The following ASB1 variants were observed in gnomAD, a reference collection of about 807,000 sequenced individuals.
The protein encoded by ASB1 is ankyrin repeat and SOCS box protein 1.
A neutral mutation model predicts 27.7 loss-of-function variants in ASB1; 18 were observed. The observed-to-expected ratio is 0.65, with a 90% CI of 0.45 to 0.96. ASB1 has a LOEUF of 0.96. ASB1 is among the 50% of genes least tolerant of loss of function. The pLI, the probability that ASB1 is intolerant of heterozygous loss-of-function variation, is 0.00. For synonymous variants in ASB1, 189 were observed against 187.6 expected, an observed-to-expected ratio of 1.01 and a Z score of -0.06; for missense variants, 397 against 451.7, an observed-to-expected ratio of 0.88 and a Z score of 1.10.
In ASB1 at chr2:238,444,345, C is replaced by T. The variant is rs370276973; in HGVS notation, c.498C>T (p.Tyr166=). The part of the protein sequence containing the change: ...RADILKALIR[Y]GADVDVNHHL... ...ACTTTCCCTTTCTTCCCTGCAGGTA[C>T]GGGGCTGATGTTGACGTCAACCACC... is the stretch of plus-strand genomic sequence containing the variant. The change falls in exon 4 of 5, where the codon TAC becomes TAT. Residue 166 remains tyrosine (Y), a synonymous_variant. Coordinates refer to ENST00000264607, the MANE Select transcript of ASB1 (RefSeq NM_001040445.3). The T allele has an allele frequency of 1.7e-5, 27 of 1,602,450 alleles. No homozygotes were observed. Among genetic ancestry groups the T allele is most frequent in the African/African-American group, 5.4e-5 (4 of 74,756 alleles).
chr2:238,441,735 C>G (rs187901377), intron 3 of ASB1, among the ~76,000 whole-genome samples: 1 of 152,308 alleles, frequency 6.6e-6, no homozygotes. Flanking sequence ...TTAGTGGACA[C>G]GTGGGTGGTT....
chr2:238,448,597 A>G lies in ASB1; in HGVS notation c.*2086A>G, dbSNP rs975641174. On this transcript the variant is annotated 3_prime_UTR_variant, in exon 5 of 5. Transcript: ENST00000264607. ...ACGCTCTGCGTCTGCTCTACTGAGT[A>G]CTTTCTGCAGGGGCCTGTTAAGGAC... is the stretch of plus-strand genomic sequence containing the variant. The G allele has an allele frequency of 3.3e-5, 5 of 152,238 alleles. No individual in the cohort carries two copies. The highest frequency in any genetic ancestry group is 1.2e-4 in the African/African-American group (5 of 41,442). 9.4% of individuals were successfully genotyped at this position (152,238 alleles called of 1,614,324 possible). A position where few individuals can be genotyped will look rare whatever the true frequency, so the allele number is the denominator to read the frequency against.
In ASB1 at chr2:238,450,080, A is replaced by G. The variant is rs554096033; in HGVS notation, c.*3569A>G. The G allele has an allele frequency of 5.9e-5, 9 of 152,398 alleles. No individual in the cohort carries two copies. The highest frequency in any genetic ancestry group is 1.9e-4 in the African/African-American group (8 of 41,564). 9.4% of individuals were successfully genotyped at this position (152,398 alleles called of 1,614,324 possible). The stretch of plus-strand genomic sequence containing the variant: ...GCAATGTGTTACGCAAGCAGTCTCC[A>G]TGTGTGTGTAAACTGCTGTCCTGGT... On this transcript the variant is annotated 3_prime_UTR_variant, in exon 5 of 5. Coordinates refer to ENST00000264607, the MANE Select transcript of ASB1 (RefSeq NM_001040445.3).
rs767005746 is a variant in ASB1, at chr2:238,435,979, G to A, written c.460G>A (p.Val154Met). ...CACCCCTGTCTACCACGCCTCTCGC[G>A]TGGGCCGGGCAGACATCCTGAAGGC... The part of the protein sequence containing the change: ...RSTPVYHASR[V>M]GRADILKALI... Residue 154 changes from valine to methionine, a missense_variant, in exon 3 of 5, where the codon GTG becomes ATG. By Grantham distance (21) the Val-to-Met change is conservative. Transcript: ENST00000264607. The A allele has an allele frequency of 2.0e-5, 32 of 1,613,670 alleles. No homozygotes were observed. Among genetic ancestry groups the A allele is most frequent in the Non-Finnish European group, 2.4e-5 (28 of 1,179,922 alleles).
Position 238,444,609 on chromosome 2 carries a change from C to A in ASB1, c.762C>A (p.Ser254Arg). Residue 254 changes from serine (S) to arginine (R), a missense_variant, in exon 4 of 5, where the codon AGC becomes AGA. By Grantham distance (110) the Ser-to-Arg change is moderately radical. Coordinates refer to ENST00000264607, the MANE Select transcript of ASB1 (RefSeq NM_001040445.3). ...LRHGCEAAFV[S>R]LLVEFGANLN... ...ACGGCTGTGAGGCAGCCTTCGTGAG[C>A]CTGCTGGTAGAATTTGGAGCCAACC... The A allele has an allele frequency of 1.2e-6, 2 of 1,614,128 alleles. No individual in the cohort carries two copies. Among genetic ancestry groups the A allele is most frequent in the South Asian group, 2.2e-5 (2 of 91,082 alleles).
At chr2:238,427,167 A>G in intron 1 of ASB1, 48 bp downstream of exon 1, 1 of 1,209,076 alleles carries the variant, frequency 8.3e-7, no homozygotes, top group South Asian at 3.7e-5. Context: ...GGGATGGCGA[A>G]GGGCTGGCTC....
rs1444303377 is a variant in ASB1, at chr2:238,426,985, C to T, written c.-86C>T. The T allele has an allele frequency of 1.3e-5, 15 of 1,120,710 alleles. No individual in the cohort carries two copies. Among genetic ancestry groups the T allele is most frequent in the Non-Finnish European group, 1.7e-5 (15 of 889,164 alleles). 69.4% of individuals were successfully genotyped at this position (1,120,710 alleles called of 1,614,324 possible). On this transcript the variant is annotated 5_prime_UTR_variant, in exon 1 of 5. Coordinates refer to ENST00000264607, the MANE Select transcript of ASB1 (RefSeq NM_001040445.3). Reference sequence around the variant, plus strand: ...ACCCCGACGCGCCCCCCATTGCCCTCGGCGCCGGAAGTGGTCGCGGGTCGT... The same window carrying T: ...ACCCCGACGCGCCCCCCATTGCCCTTGGCGCCGGAAGTGGTCGCGGGTCGT...
At chr2:238,435,521 G>A (rs1036680260) in intron 2 of ASB1, among the ~76,000 whole-genome samples, 190 bp from the exon 3 acceptor site, 7 of 152,312 alleles carry the variant, frequency 4.6e-5, no homozygotes, top group African/African-American at 1.7e-4. Flanking sequence ...AATGGGGCTC[G>A]TAATGCCTGC....
chr2:238,445,261 G>A (rs1702157539), intron 4 of ASB1, among the ~76,000 whole-genome samples: 2 of 152,144 alleles, frequency 1.3e-5, no homozygotes, highest in Non-Finnish European at 2.9e-5. Context: ...TTACAGGCAC[G>A]AGCCACTGCT....
chr2:238,434,688 TA>T (rs1701933852), intron 2 of ASB1, among the ~76,000 whole-genome samples: 1 of 152,192 alleles, frequency 6.6e-6, no homozygotes, highest in Non-Finnish European at 1.5e-5. Flanking sequence ...CACAGATATT[TA>T]AAGTGGGTGA....
intron 1 of ASB1, chr2:238,427,386 T>G: frequency 2.8e-6 from 1 of 360,120 alleles, no homozygotes; most frequent in East Asian, 4.1e-5. Context: ...CGTAACTTCC[T>G]TCCCGTTAGC....
At chr2:238,433,337 G>C in intron 1 of ASB1, 1 of 526,220 alleles carries the variant, frequency 1.9e-6, no homozygotes, top group East Asian at 3.3e-5. Flanking sequence ...TGTTGCCCAG[G>C]CTGATCTTGA....
Position 238,436,021 on chromosome 2 carries a change from C to G in ASB1, c.494+8C>G. 6.3e-7 allele frequency: 1 copy of G among 1,580,500 alleles called. No homozygotes were observed. The highest frequency in any genetic ancestry group is 8.6e-7 in the Non-Finnish European group (1 of 1,163,764). On this transcript the variant is annotated splice_region_variant and intron_variant, in intron 3 of 4. Transcript: ENST00000264607. ...CCTGAAGGCCCTCATCAGGCCAGTA[C>G]TGTGGAGCTCGCCTGGCTCCTGCAG...
At chr2:238,430,747 G>A (rs1701855348) in intron 1 of ASB1, among the ~76,000 whole-genome samples, 3 of 152,188 alleles carry the variant, frequency 2.0e-5, no homozygotes, top group African/African-American at 2.4e-5. Context: ...CATTGGCTGC[G>A]GAATGGCTGT....
At chr2:238,430,137 A>C (rs1306860016) in intron 1 of ASB1, among the ~76,000 whole-genome samples, 1 of 152,232 alleles carries the variant, frequency 6.6e-6, no homozygotes, top group African/African-American at 2.4e-5. Context: ...CTTAGATGAC[A>C]GTGAAGTTTG....
At chr2:238,443,120 T>G (rs1361059782) in intron 3 of ASB1, among the ~76,000 whole-genome samples, 1 of 152,240 alleles carries the variant, frequency 6.6e-6, no homozygotes, top group African/African-American at 2.4e-5. Context: ...AATGACATTT[T>G]CATTTATAAA....
In ASB1 at chr2:238,450,796, C is replaced by T. The variant is rs1157586890; in HGVS notation, c.*4285C>T. ...CTGGGCACTGGGAGCCTGTGGCCCCCCTGTATGTTGGTGATGACACTAGTG... is the reference window on the plus strand; with the variant it reads ...CTGGGCACTGGGAGCCTGTGGCCCCTCTGTATGTTGGTGATGACACTAGTG... On this transcript the variant is annotated 3_prime_UTR_variant, in exon 5 of 5. Transcript: ENST00000264607. The T allele has an allele frequency of 6.6e-6, 1 of 152,264 alleles. No homozygotes were observed. Among genetic ancestry groups the T allele is most frequent in the African/African-American group, 2.4e-5 (1 of 41,404 alleles). The allele number at this position is 152,264 out of a possible 1,614,324, so 9.4% of individuals were successfully genotyped here.
chr2:238,435,969 C>A lies in ASB1; in HGVS notation c.450C>A (p.His150Gln), dbSNP rs762595766. The change falls in exon 3 of 5, where the codon CAC becomes CAA. Residue 150 changes from histidine to glutamine, a missense_variant. Coordinates refer to ENST00000264607, the MANE Select transcript of ASB1 (RefSeq NM_001040445.3). ...ACCATCGCAGCACCCCTGTCTACCA[C>A]GCCTCTCGCGTGGGCCGGGCAGACA... ...SRHHRSTPVY[H>Q]ASRVGRADIL... is the part of the protein sequence containing the mutation. The A allele has an allele frequency of 4.3e-6, 7 of 1,613,830 alleles. No homozygotes were observed. The South Asian group carries it at 5.5e-5, about 13-fold the overall frequency.
Position 238,435,885 on chromosome 2 carries a change from G to T in ASB1, c.366G>T (p.Gly122=). ...QTALYVAVVN[G]HLESTQILLE... is the part of the protein sequence containing the mutation. ...CCCTGTATGTGGCTGTGGTGAACGG[G>T]CACCTAGAGAGTACCCAGATCCTTC... is the stretch of plus-strand genomic sequence containing the variant. The change falls in exon 3 of 5, where the codon GGG becomes GGT. Residue 122 remains glycine (G), a synonymous_variant. Transcript: ENST00000264607. 6.2e-7 allele frequency: 1 copy of T among 1,614,240 alleles called. No homozygotes were observed.
Sources: gnomAD v4.1 joint callset for allele counts (sites outside exome capture counted in the v4.1 genomes callset) on GRCh38, gnomAD v4.1.1 for gene constraint, MANE v1.5 for transcripts, NCBI Gene and HGNC (gene_info 2026-07-23, HGNC 2026-07-21) for gene names.